ZFYVE21: variants seen among roughly 807,000 people sequenced by gnomAD.
The protein encoded by ZFYVE21 is zinc finger FYVE-type containing 21, also known as zinc finger FYVE domain-containing protein 21.
A neutral mutation model predicts 29.5 loss-of-function variants in ZFYVE21; 21 were observed. That is an observed-to-expected ratio of 0.71 (90% confidence interval 0.50 to 1.02). ZFYVE21 has a LOEUF of 1.02. ZFYVE21 is among the 50% of genes least tolerant of loss of function. ZFYVE21 has a pLI of 0.00. For missense variants in ZFYVE21, 326 were observed against 335.4 expected (o/e 0.97, Z 0.22); for synonymous variants, 151 against 133.8 (o/e 1.13, Z -0.89).
At chr14:103,717,774 C>T (rs2083839707) in intron 1 of ZFYVE21, among the ~76,000 whole-genome samples, 1 of 152,208 alleles carries the variant, frequency 6.6e-6, no homozygotes. Context: ...GAGGGAGGTC[C>T]TAGCATTGGG....
chr14:103,726,947 C>A, intron 2 of ZFYVE21, 105 bp downstream of exon 2: 6 of 679,980 alleles, frequency 8.8e-6, no homozygotes, highest in Non-Finnish European at 1.3e-5. Flanking sequence ...TCTTATGGCT[C>A]GTTTTTTTTT....
At chr14:103,724,005 G>A (rs992825424) in intron 1 of ZFYVE21, among the ~76,000 whole-genome samples, 1 of 152,198 alleles carries the variant, frequency 6.6e-6, no homozygotes, top group African/African-American at 2.4e-5. Flanking sequence ...CGTCTTCTGG[G>A]GCTCAGAGAA....
rs928030073 is a variant in ZFYVE21 at position 103,716,182 on chromosome 14, C to T, written c.138+203C>T. Among the ~76,000 whole-genome samples the T allele has an allele frequency of 1.3e-5, 2 of 151,710 alleles. No individual in the cohort carries two copies. The highest frequency in any genetic ancestry group is 2.9e-5 in the Non-Finnish European group (2 of 67,888). ...CTACGCCCGCGGGGAGGGCGGGAGGCGCGCGGTGTCCCGGTGCGGGGGTCC... is the reference window on the plus strand; with the variant it reads ...CTACGCCCGCGGGGAGGGCGGGAGGTGCGCGGTGTCCCGGTGCGGGGGTCC... On this transcript the variant is annotated intron_variant, in intron 1 of 6. Transcript: ENST00000311141. This position sits in a 1 kb window ranked among gnomAD's most constrained non-coding sequence, Gnocchi z 4.8.
At chr14:103,722,725 G>A (rs1044256011) in intron 1 of ZFYVE21, among the ~76,000 whole-genome samples, 10 of 152,122 alleles carry the variant, frequency 6.6e-5, no homozygotes, top group Non-Finnish European at 1.2e-4. Flanking sequence ...AGGCTGAGGC[G>A]GGAGAATGAC....
chr14:103,721,256 T>G (rs1359486028), intron 1 of ZFYVE21, among the ~76,000 whole-genome samples: 1 of 152,198 alleles, frequency 6.6e-6, no homozygotes, highest in African/African-American at 2.4e-5. Flanking sequence ...TTTACTGGAC[T>G]AGCAAGGAGG....
At chr14:103,720,173 T>C (rs2083861241) in intron 1 of ZFYVE21, among the ~76,000 whole-genome samples, 1 of 152,196 alleles carries the variant, frequency 6.6e-6, no homozygotes, top group Non-Finnish European at 1.5e-5. Flanking sequence ...ACTCATATCT[T>C]CCTTCCTCAC....
intron 3 of ZFYVE21, among the ~76,000 whole-genome samples, chr14:103,728,394 C>G (rs1184713969): frequency 6.6e-6 from 1 of 152,152 alleles, no homozygotes; most frequent in African/African-American, 2.4e-5. Flanking sequence ...CTTCTCCCCA[C>G]TGTCCGTCCA....
rs8548 is a variant in ZFYVE21, at chr14:103,733,243, A to C, written c.*225A>C. 0.3 allele frequency: 169,821 copies of C among 574,164 alleles called. 27,315 individuals are homozygous for C. Among genetic ancestry groups the C allele is most frequent in the East Asian group, 0.33 (10,994 of 33,254 alleles). The allele number at this position is 574,164 out of a possible 1,614,324, so 35.6% of individuals were successfully genotyped here. On this transcript the variant is annotated 3_prime_UTR_variant, in exon 7 of 7. Coordinates refer to ENST00000311141, the MANE Select transcript of ZFYVE21 (RefSeq NM_024071.4). ...CATGTTTTAGAATTTGTGTATTGTCAATACTTAATTGGGGGTGGGAGAGAC... is the reference window on the plus strand; with the variant it reads ...CATGTTTTAGAATTTGTGTATTGTCCATACTTAATTGGGGGTGGGAGAGAC...
intron 2 of ZFYVE21, chr14:103,727,361 C>CCCCCCCCCCCCCTGCCCCCCCCG: frequency 2.9e-6 from 1 of 347,258 alleles, no homozygotes. Flanking sequence ...CACCCACCTG[C>CCCCCCCCCCCCCTGCCCCCCCCG]CCCCCGCCCC....
chr14:103,729,726 C>G, intron 5 of ZFYVE21: 1 of 1,524,068 alleles, frequency 6.6e-7, no homozygotes. Flanking sequence ...ATGTTGCTTT[C>G]CTTCCGTTCT....
Position 103,732,624 on chromosome 14 carries a change from C to G in ZFYVE21, c.531C>G (p.Gly177=), listed in dbSNP as rs371760587. 1 of 1,571,736 alleles carries G rather than the reference C, an allele frequency of 6.4e-7. No homozygotes were observed. Among genetic ancestry groups the G allele is most frequent in the Non-Finnish European group, 8.6e-7 (1 of 1,161,462 alleles). ...ILTEGFPPGG[G]NARATGMFLQ... ...TACCTCGTCTCTCTCCTCCAGGAGG[C>G]AACGCACGGGCCACAGGCATGTTCC... Residue 177 remains glycine (G), a synonymous_variant, in exon 6 of 7, where the codon GGC becomes GGG. Coordinates refer to ENST00000311141, the MANE Select transcript of ZFYVE21 (RefSeq NM_024071.4).
chr14:103,730,440 T>G (rs758720256), intron 5 of ZFYVE21: 13 of 153,078 alleles, frequency 8.5e-5, no homozygotes, highest in Non-Finnish European at 1.2e-4. Flanking sequence ...TCTGCCTGCC[T>G]CCTCCTGGGG....
At chr14:103,720,844 A>T (rs747695624) in intron 1 of ZFYVE21, among the ~76,000 whole-genome samples, 7 of 152,076 alleles carry the variant, frequency 4.6e-5, no homozygotes, top group African/African-American at 9.7e-5. Context: ...GTTTTGTTTG[A>T]GACGGAGTCT....
chr14:103,720,617 T>A (rs898321740), intron 1 of ZFYVE21, among the ~76,000 whole-genome samples: 4 of 152,172 alleles, frequency 2.6e-5, no homozygotes, highest in Non-Finnish European at 5.9e-5. Flanking sequence ...ACTTTCAGAT[T>A]ATATGGAGGC....
intron 1 of ZFYVE21, chr14:103,725,359 C>T (rs975268272): frequency 2.0e-5 from 3 of 152,384 alleles, no homozygotes; most frequent in African/African-American, 7.2e-5. Context: ...ACGCATCCGG[C>T]TTGCTGTTCT....
At chr14:103,724,122 A>G (rs1405657264) in intron 1 of ZFYVE21, among the ~76,000 whole-genome samples, 3 of 152,176 alleles carry the variant, frequency 2.0e-5, no homozygotes, top group Non-Finnish European at 4.4e-5. Context: ...GGGCCCCCAG[A>G]CCACAGGGAG....
chr14:103,727,198 G>A (rs2083935156), intron 2 of ZFYVE21: 5 of 344,734 alleles, frequency 1.5e-5, no homozygotes, highest in East Asian at 8.1e-5. Flanking sequence ...CTCCCACCTC[G>A]GCCTCCCAAA....
At chr14:103,730,275 G>C (rs532054622) in intron 5 of ZFYVE21, 2 of 195,158 alleles carry the variant, frequency 1.0e-5, no homozygotes, top group African/African-American at 4.7e-5. Context: ...GGATGGTGAG[G>C]TGAGATGCCC....
At chr14:103,720,943 C>T (rs2083867144) in intron 1 of ZFYVE21, among the ~76,000 whole-genome samples, 1 of 152,192 alleles carries the variant, frequency 6.6e-6, no homozygotes, top group Admixed American at 6.5e-5. Flanking sequence ...CTGCCTCAGC[C>T]TCCCGAGTAG....
Sources: allele counts gnomAD v4.1 joint callset (sites outside exome capture counted in the v4.1 genomes callset), GRCh38; gene constraint gnomAD v4.1.1; non-coding constraint Gnocchi (gnomAD v3.1); transcripts MANE v1.5; gene names NCBI Gene and HGNC (gene_info 2026-07-23, HGNC 2026-07-21).